Variants in USP24 observed in about 807,000 individuals in gnomAD.
USP24 encodes ubiquitin specific peptidase 24.
A neutral mutation model predicts 361.6 loss-of-function variants in USP24; 97 were observed. The observed-to-expected ratio is 0.27, with a 90% CI of 0.23 to 0.32. The LOEUF is 0.32. Ranked by LOEUF, USP24 falls within the 10% of genes least tolerant of loss-of-function variation. The pLI, the probability that USP24 is intolerant of heterozygous loss-of-function variation, is 1.00. For missense variants in USP24, 2,353 were observed against 3,165.6 expected, an observed-to-expected ratio of 0.74 and a Z score of 6.16; for synonymous variants, 1,098 against 1,124.6, an observed-to-expected ratio of 0.98 and a Z score of 0.47.
At chr1:55,168,277 A>G (rs567284927) in intron 5 of USP24, among the ~76,000 whole-genome samples, 102 of 152,272 alleles carry the variant, frequency 6.7e-4, no homozygotes, top group Middle Eastern at 3.4e-3. Context: ...ATTTCAGCAG[A>G]TGGTGGACGA....
Position 55,097,584 on chromosome 1 carries a change from A to G in USP24, c.5715+14T>C, listed in dbSNP as rs765492851. 4.7e-5 allele frequency: 71 copies of G among 1,525,146 alleles called. No homozygotes were observed. The highest frequency in any genetic ancestry group is 2.6e-6 in the Non-Finnish European group (3 of 1,140,916). 94.5% of individuals were successfully genotyped at this position (1,525,146 alleles called of 1,614,324 possible). The stretch of plus-strand genomic sequence containing the variant: ...TGAATGGTTGTGAAAAATTTCAGGA[A>G]GAAAAAAAGTTACCCTTATTTGTTC... On this transcript the variant is annotated intron_variant, in intron 48 of 67. Transcript: ENST00000294383.
intron 1 of USP24, among the ~76,000 whole-genome samples, chr1:55,202,867 G>A (rs188909173): frequency 3.2e-4 from 49 of 152,222 alleles, no homozygotes; most frequent in South Asian, 4.1e-4. Context: ...AACTCCCACC[G>A]TCTTTATAAA....
At chr1:55,089,877 A>T (rs1570374247) in intron 54 of USP24, 137 bp from the exon 55 acceptor site, 1 of 594,590 alleles carries the variant, frequency 1.7e-6, no homozygotes. Context: ...GAGTGGAGGG[A>T]TAAGAGATAC....
At chr1:55,202,749 T>C (rs1327824256) in intron 1 of USP24, among the ~76,000 whole-genome samples, 1 of 152,196 alleles carries the variant, frequency 6.6e-6, no homozygotes, top group Non-Finnish European at 1.5e-5. Context: ...TTCAATACCA[T>C]GAGCAACTGT....
intron 41 of USP24, among the ~76,000 whole-genome samples, chr1:55,104,528 A>G (rs374314120): frequency 6.6e-6 from 1 of 152,364 alleles, no homozygotes; most frequent in South Asian, 2.1e-4. Flanking sequence ...GACACAAAAG[A>G]TAACTAGCAA....
At chr1:55,175,699 G>A (rs566803173) in intron 3 of USP24, among the ~76,000 whole-genome samples, 2 of 152,274 alleles carry the variant, frequency 1.3e-5, no homozygotes, top group African/African-American at 4.8e-5. Flanking sequence ...TATGCTGGGG[G>A]AAAGGGCAGT....
chr1:55,155,026 C>G lies in USP24; in HGVS notation c.1447-248G>C, dbSNP rs141364370. On this transcript the variant is annotated intron_variant, in intron 12 of 67. Transcript: ENST00000294383. ...AAACCGACAATGAAAAAAAAAAACC[C>G]CATGAGAATCAAGTTCTCAGTGTGA... Among the ~76,000 whole-genome samples the G allele has an allele frequency of 4.7e-3, 708 of 151,930 alleles. 5 individuals carry two copies. Among genetic ancestry groups the G allele is most frequent in the African/African-American group, 0.016 (656 of 41,412 alleles).
chr1:55,084,141 C>T (rs1438455391), intron 56 of USP24, among the ~76,000 whole-genome samples: 3 of 152,138 alleles, frequency 2.0e-5, no homozygotes, highest in African/African-American at 7.2e-5. Flanking sequence ...GAGTCAAGGG[C>T]ATCAATTCTA....
At chr1:55,177,901 C>G in intron 2 of USP24, 66 bp downstream of exon 2, 1 of 1,451,880 alleles carries the variant, frequency 6.9e-7, no homozygotes, top group Non-Finnish European at 9.3e-7. Flanking sequence ...ACAACAAAGG[C>G]TAAGATTAAA....
intron 38 of USP24, among the ~76,000 whole-genome samples, chr1:55,115,866 AG>A (rs1484902593): frequency 6.6e-6 from 1 of 152,224 alleles, no homozygotes; most frequent in Non-Finnish European, 1.5e-5. Flanking sequence ...TACCCTTTGC[AG>A]GGACACAGAT....
rs193050054 is a variant in USP24 at position 55,077,160 on chromosome 1, A to G, written c.7380+75T>C. On this transcript the variant is annotated intron_variant, in intron 62 of 67. Transcript: ENST00000294383. The stretch of plus-strand genomic sequence containing the variant: ...GAATGGAGAAATAATAAAAAGACAT[A>G]TAATTTTTTATTTATAAACACTTGT... 24 of 1,270,622 alleles carry G rather than the reference A, an allele frequency of 1.9e-5. No homozygotes were observed. The Admixed American group carries it at 4.7e-4, about 25-fold the overall frequency. The allele number at this position is 1,270,622 out of a possible 1,614,324, so 78.7% of individuals were successfully genotyped here.
intron 41 of USP24, among the ~76,000 whole-genome samples, chr1:55,104,922 G>C (rs1159164917): frequency 6.6e-6 from 1 of 152,156 alleles, no homozygotes; most frequent in East Asian, 1.9e-4. Flanking sequence ...ATACAAAATA[G>C]CATTACTTCT....
Position 55,068,704 on chromosome 1 carries a change from G to A in USP24, c.*341C>T, listed in dbSNP as rs1474730181. ...AAGGAATTTCTTTTGTAGCATCGTA[G>A]AGAAAGCAACAGCTTTATGCTCACT... On this transcript the variant is annotated 3_prime_UTR_variant, in exon 68 of 68. Coordinates refer to ENST00000294383, the MANE Select transcript of USP24 (RefSeq NM_015306.3). 8 of 266,694 alleles carry A rather than the reference G, an allele frequency of 3.0e-5. No individual in the cohort carries two copies. The highest frequency in any genetic ancestry group is 1.8e-4 in the African/African-American group (8 of 45,478). The allele number at this position is 266,694 out of a possible 1,614,324, so 16.5% of individuals were successfully genotyped here.
In USP24 at chr1:55,158,277, A is replaced by G. The variant is rs543562387; in HGVS notation, c.1227+601T>C. On this transcript the variant is annotated intron_variant, in intron 10 of 67. Coordinates refer to ENST00000294383, the MANE Select transcript of USP24 (RefSeq NM_015306.3). ...TGTAAAATAACCCAGCCTCTTTTCA[A>G]TGAACTCCTCTTTTGGTCTAAAATG... Among the ~76,000 whole-genome samples, 56 of 152,356 alleles carry G rather than the reference A, an allele frequency of 3.7e-4. 1 individual carries two copies. The highest frequency in any genetic ancestry group is 1.2e-3 in the African/African-American group (50 of 41,586).
At chr1:55,111,532 A>C (rs1292434582) in intron 38 of USP24, among the ~76,000 whole-genome samples, 1 of 152,130 alleles carries the variant, frequency 6.6e-6, no homozygotes, top group Non-Finnish European at 1.5e-5. Context: ...TGTTTAGAAA[A>C]ATTTTAACTA....
chr1:55,098,963 C>A (rs1332587961), intron 45 of USP24, among the ~76,000 whole-genome samples: 1 of 152,156 alleles, frequency 6.6e-6, no homozygotes, highest in Non-Finnish European at 1.5e-5. Flanking sequence ...GCAGTGACAG[C>A]GGGATCTGAG....
intron 12 of USP24, among the ~76,000 whole-genome samples, chr1:55,155,543 T>C (rs1376130381): frequency 6.6e-6 from 1 of 152,146 alleles, no homozygotes; most frequent in Non-Finnish European, 1.5e-5. Context: ...AAAACAAAAT[T>C]ATATGAGTGT....
Position 55,097,125 on chromosome 1 carries a change from A to G in USP24, c.5763T>C (p.Ala1921=). The G allele has an allele frequency of 6.2e-7, 1 of 1,613,960 alleles. No homozygotes were observed. The highest frequency in any genetic ancestry group is 8.5e-7 in the Non-Finnish European group (1 of 1,179,892). The change falls in exon 49 of 68, where the codon GCT becomes GCC. Residue 1921 remains alanine (A), a synonymous_variant. Coordinates refer to ENST00000294383, the MANE Select transcript of USP24 (RefSeq NM_015306.3). The part of the protein sequence containing the change: ...NMEPYTVSGM[A]RQDSSSEVGE... ...CAACTTCAGAAGAAGAATCTTGGCG[A>G]GCCATTCCTGAAACTGTGTAAGGCT...
intron 1 of USP24, among the ~76,000 whole-genome samples, chr1:55,205,898 A>T (rs1246086924): frequency 6.6e-6 from 1 of 152,204 alleles, no homozygotes; most frequent in Non-Finnish European, 1.5e-5. Context: ...TATACGTGAG[A>T]GGCCCCATAG....
Sources: gnomAD v4.1 joint callset for allele counts (sites outside exome capture counted in the v4.1 genomes callset) on GRCh38, gnomAD v4.1.1 for gene constraint, MANE v1.5 for transcripts, NCBI Gene and HGNC (gene_info 2026-07-23, HGNC 2026-07-21) for gene names.